The following SQLE variants were observed in gnomAD, a reference collection of about 807,000 sequenced individuals.
SQLE encodes squalene epoxidase.
A neutral mutation model predicts 60.7 loss-of-function variants in SQLE; 29 were observed. The ratio of observed to expected loss-of-function variants is 0.48; its 90% CI spans 0.36 to 0.65. The LOEUF is 0.65. SQLE is among the 30% of genes least tolerant of loss of function. SQLE has a pLI of 0.00. For synonymous variants in SQLE, 237 were observed against 246.8 expected (o/e 0.96, Z 0.37); for missense variants, 605 against 684.1 (o/e 0.88, Z 1.29).
At chr8:125,015,044 C>T (rs1269006776) in intron 7 of SQLE, among the ~76,000 whole-genome samples, 1 of 152,156 alleles carries the variant, frequency 6.6e-6, no homozygotes, top group African/African-American at 2.4e-5. Context: ...GGGTCTGTCT[C>T]CTTAGCTCTA....
At chr8:125,005,934 T>A (rs1443356105) in intron 3 of SQLE, among the ~76,000 whole-genome samples, 1 of 152,200 alleles carries the variant, frequency 6.6e-6, no homozygotes, top group Non-Finnish European at 1.5e-5. Context: ...AGTTCTCCTT[T>A]GACTAAATGA....
intron 2 of SQLE, among the ~76,000 whole-genome samples, chr8:125,005,127 T>C (rs1814927368): frequency 6.6e-6 from 1 of 152,198 alleles, no homozygotes. Context: ...CTGGTTTTAT[T>C]TTATTTTTAT....
chr8:125,015,988 GTTGT>G (rs1450041808), intron 7 of SQLE, among the ~76,000 whole-genome samples: 1 of 151,982 alleles, frequency 6.6e-6, no homozygotes, highest in Non-Finnish European at 1.5e-5. Context: ...TCCATTGTTT[GTTGT>G]TTCCTTTCTC....
At chr8:125,005,826 A>G (rs776900838) in intron 3 of SQLE, 121 bp downstream of exon 3, 32 of 684,228 alleles carry the variant, frequency 4.7e-5, no homozygotes, top group Non-Finnish European at 6.8e-5. Context: ...GAACATATGT[A>G]TATTAAAATA....
intron 2 of SQLE, 37 bp downstream of exon 2, chr8:125,003,465 A>G (rs753508864): frequency 1.2e-6 from 2 of 1,606,914 alleles, no homozygotes; most frequent in Non-Finnish European, 1.7e-6. Context: ...GTTACGTGGT[A>G]TGAACAAGCA....
intron 9 of SQLE, 25 bp downstream of exon 9, chr8:125,018,752 A>G (rs1815151437): frequency 7.1e-7 from 1 of 1,413,704 alleles, no homozygotes; most frequent in Non-Finnish European, 9.7e-7. Flanking sequence ...TTTTTAGTGA[A>G]TATTACTCAA....
At chr8:125,018,298 C>A in intron 8 of SQLE, 97 bp downstream of exon 8, 2 of 1,254,830 alleles carry the variant, frequency 1.6e-6, no homozygotes, top group Non-Finnish European at 2.2e-6. Context: ...TACTAAGGAA[C>A]CTGATGCTTT....
intron 7 of SQLE, among the ~76,000 whole-genome samples, chr8:125,012,803 G>A (rs1453107813): frequency 2.0e-5 from 3 of 152,156 alleles, no homozygotes; most frequent in African/African-American, 7.2e-5. Context: ...TTACATAGTA[G>A]TTCACGTTTA....
In SQLE at chr8:124,998,820, C is replaced by G. The variant is rs946340757; in HGVS notation, c.-584C>G. The G allele has an allele frequency of 4.0e-6, 2 of 495,976 alleles. No homozygotes were observed. Among genetic ancestry groups the G allele is most frequent in the Non-Finnish European group, 3.6e-6 (1 of 278,734 alleles). The allele number at this position is 495,976 out of a possible 1,614,324, so 30.7% of individuals were successfully genotyped here. ...GAGAAGGCGTCGGCGTTGGCGTTTT[C>G]CCGAGGTTGGGCTGTACAGTGTCTC... On this transcript the variant is annotated 5_prime_UTR_variant, in exon 1 of 11. Transcript: ENST00000265896.
Position 124,998,721 on chromosome 8 carries a change from A to G in SQLE, c.-683A>G. 2 of 590,860 alleles carry G rather than the reference A, an allele frequency of 3.4e-6. No homozygotes were observed. Among genetic ancestry groups the G allele is most frequent in the South Asian group, 1.8e-5 (1 of 54,236 alleles). 36.6% of individuals were successfully genotyped at this position (590,860 alleles called of 1,614,324 possible). ...CGGCTCTGGGGGCCAGCGAAACGGGAGGCCTCTAAATCTTTAGGTTGGGGC... is the reference window on the plus strand; with the variant it reads ...CGGCTCTGGGGGCCAGCGAAACGGGGGGCCTCTAAATCTTTAGGTTGGGGC... On this transcript the variant is annotated 5_prime_UTR_variant, in exon 1 of 11. Transcript: ENST00000265896.
intron 2 of SQLE, among the ~76,000 whole-genome samples, chr8:125,003,724 G>A (rs564728584): frequency 1.3e-5 from 2 of 152,292 alleles, no homozygotes; most frequent in Non-Finnish European, 2.9e-5. Context: ...TGTGAAAGGC[G>A]AAGGGAACTG....
chr8:125,020,027 A>C (rs923860998), intron 9 of SQLE, among the ~76,000 whole-genome samples: 2 of 152,232 alleles, frequency 1.3e-5, no homozygotes, highest in African/African-American at 4.8e-5. Context: ...GTTTTGGGCA[A>C]ATAAAAAGAA....
In SQLE at chr8:125,011,339, C is replaced by T. The variant is rs1815037251; in HGVS notation, c.1109-198C>T. The T allele has an allele frequency of 3.8e-5, 15 of 399,150 alleles. No homozygotes were observed. In the South Asian group the frequency reaches 5.2e-4, roughly 14 times the overall value. 24.7% of individuals were successfully genotyped at this position (399,150 alleles called of 1,614,324 possible). On this transcript the variant is annotated intron_variant, in intron 6 of 10. Coordinates refer to ENST00000265896, the MANE Select transcript of SQLE (RefSeq NM_003129.4). ...TGTTCTCTTAGATTCCTTAGTCATT[C>T]CTTGGCATTAACAGCTAAGTGCTTA...
chr8:125,011,203 G>A (rs1203807841), intron 6 of SQLE: 1 of 175,120 alleles, frequency 5.7e-6, no homozygotes, highest in Non-Finnish European at 1.2e-5. Context: ...TATTAAATAT[G>A]ACAGTAGTCT....
intron 6 of SQLE, among the ~76,000 whole-genome samples, chr8:125,010,473 AT>A (rs1442408620): frequency 1.3e-5 from 2 of 152,138 alleles, no homozygotes; most frequent in African/African-American, 4.8e-5. Flanking sequence ...ATAGGAAACT[AT>A]TTTTGGTATG....
At position 125,021,877 on chromosome 8, in the gene SQLE, G is replaced by A. The variant is rs779354190; in HGVS notation, c.1657G>A (p.Val553Ile). Reference protein sequence around the residue: ...KPRALLSSGAVLYKACSVIFP... With the variant: ...KPRALLSSGAILYKACSVIFP... ...TCGAGCCCTTCTCAGTAGTGGTGCT[G>A]TATTGTACAAAGCGTGTTCTGTAAT... is the stretch of plus-strand genomic sequence containing the variant. The change falls in exon 11 of 11, where the codon GTA becomes ATA. Residue 553 changes from valine (V) to isoleucine (I), a missense_variant. Physicochemically the swap from Val to Ile is conservative, Grantham distance 29. Coordinates refer to ENST00000265896, the MANE Select transcript of SQLE (RefSeq NM_003129.4). 30 of 1,610,842 alleles carry A rather than the reference G, an allele frequency of 1.9e-5. No individual in the cohort carries two copies. In the East Asian group the frequency reaches 6.0e-4, roughly 32 times the overall value.
chr8:125,013,388 T>C (rs2129899596), intron 7 of SQLE, among the ~76,000 whole-genome samples: 1 of 138,124 alleles, frequency 7.2e-6, no homozygotes, highest in East Asian at 2.1e-4. Context: ...GTTTCGCTCT[T>C]GTCGCCTAGG....
At position 124,999,584 on chromosome 8, in the gene SQLE, T is replaced by C. The variant is rs1470816556; in HGVS notation, c.181T>C (p.Ser61Pro). 6.2e-7 allele frequency: 1 copy of C among 1,613,502 alleles called. No homozygotes were observed. The highest frequency in any genetic ancestry group is 8.5e-7 in the Non-Finnish European group (1 of 1,179,756). Residue 61 changes from serine (S) to proline (P), a missense_variant, in exon 1 of 11, where the codon TCC becomes CCC. Transcript: ENST00000265896. ...GGLLGRQQSG[S>P]QFALFSDILS... ...TCTCCTCGGGCGCCAGCAGAGCGGC[T>C]CCCAGTTCGCCCTCTTCTCGGATAT...
At chr8:124,999,942 A>G in intron 1 of SQLE, 2 of 664,910 alleles carry the variant, frequency 3.0e-6, no homozygotes, top group Non-Finnish European at 5.5e-6. Flanking sequence ...TTGATTATGA[A>G]AGATGGAACG....
Sources: allele counts gnomAD v4.1 joint callset (sites outside exome capture counted in the v4.1 genomes callset), GRCh38; gene constraint gnomAD v4.1.1; transcripts MANE v1.5; gene names NCBI Gene and HGNC (gene_info 2026-07-23, HGNC 2026-07-21).